Variants in GNA12 observed in about 807,000 individuals in gnomAD.
The protein encoded by GNA12 is guanine nucleotide-binding protein subunit alpha-12.
A neutral mutation model predicts 26.0 loss-of-function variants in GNA12; 9 were observed. The ratio of observed to expected loss-of-function variants is 0.35; its 90% CI spans 0.21 to 0.60. The LOEUF (loss-of-function observed/expected upper bound fraction) is 0.60. Among genes scored for constraint, GNA12 ranks in the 20% least tolerant of loss-of-function variants. The probability of loss-of-function intolerance (pLI) is 0.78; values close to 1 mark genes in which losing one functional copy is unlikely to be tolerated. For synonymous variants in GNA12, 264 were observed against 219.6 expected (o/e 1.20, Z -1.79); for missense variants, 405 against 525.8 (o/e 0.77, Z 2.25).
In GNA12 at chr7:2,828,168, C is replaced by G. The variant is rs150507288; in HGVS notation, c.309+15685G>C. On this transcript the variant is annotated intron_variant, in intron 1 of 3. Transcript: ENST00000275364. The stretch of plus-strand genomic sequence containing the variant: ...ATTACAAAAATTGTAAAGCAAGATT[C>G]AAACCAGAAATTAAAACACCTACAA... Among the ~76,000 whole-genome samples the G allele has an allele frequency of 3.5e-3, 536 of 152,288 alleles. 4 individuals carry two copies. Among genetic ancestry groups the G allele is most frequent in the African/African-American group, 0.012 (482 of 41,564 alleles).
At chr7:2,795,454 G>C (rs1792637276) in intron 1 of GNA12, among the ~76,000 whole-genome samples, 1 of 152,088 alleles carries the variant, frequency 6.6e-6, no homozygotes, top group African/African-American at 2.4e-5. Flanking sequence ...AACAGAGCAA[G>C]ACCCTGCTTC....
At chr7:2,798,331 A>C (rs546012737) in intron 1 of GNA12, among the ~76,000 whole-genome samples, 1 of 152,374 alleles carries the variant, frequency 6.6e-6, no homozygotes, top group South Asian at 2.1e-4. Flanking sequence ...ATGAATCCAG[A>C]ATAGTTGCAG....
At chr7:2,759,096 C>T (rs529872979) in intron 2 of GNA12, among the ~76,000 whole-genome samples, 131 of 151,454 alleles carry the variant, frequency 8.6e-4, no homozygotes, top group African/African-American at 3.0e-3. Context: ...GCCGAGATTA[C>T]ACCATTGCAC....
At chr7:2,750,919 C>T (rs1791004201) in intron 2 of GNA12, among the ~76,000 whole-genome samples, 1 of 152,172 alleles carries the variant, frequency 6.6e-6, no homozygotes, top group Middle Eastern at 3.2e-3. Context: ...CAGATGGGAA[C>T]AGAAGCGAGA....
intron 2 of GNA12, among the ~76,000 whole-genome samples, chr7:2,767,174 C>T (rs1447863374): frequency 1.3e-5 from 2 of 152,078 alleles, no homozygotes; most frequent in Non-Finnish European, 2.9e-5. Context: ...AATATTTTTC[C>T]CGTTTTATAG....
At chr7:2,776,566 G>A (rs1455148821) in intron 2 of GNA12, among the ~76,000 whole-genome samples, 4 of 152,240 alleles carry the variant, frequency 2.6e-5, no homozygotes, top group Admixed American at 6.5e-5. Context: ...TTCCTGTTTT[G>A]TGGATCAGGG....
intron 1 of GNA12, among the ~76,000 whole-genome samples, chr7:2,822,495 G>A (rs1253782218): frequency 6.6e-6 from 1 of 152,250 alleles, no homozygotes; most frequent in African/African-American, 2.4e-5. Context: ...TGTAATCCCA[G>A]CACTTTGGGA....
intron 1 of GNA12, among the ~76,000 whole-genome samples, chr7:2,835,298 A>T (rs1778806184): frequency 6.6e-6 from 1 of 152,196 alleles, no homozygotes; most frequent in Non-Finnish European, 1.5e-5. Context: ...CCAAATACAC[A>T]AACTTTAAGG....
chr7:2,789,840 CA>C (rs1381912130), intron 2 of GNA12, among the ~76,000 whole-genome samples: 1 of 152,056 alleles, frequency 6.6e-6, no homozygotes, highest in Non-Finnish European at 1.5e-5. Context: ...GAAGCCAGGC[CA>C]AAAAGGAACC....
chr7:2,766,774 T>A (rs757487243), intron 2 of GNA12, among the ~76,000 whole-genome samples: 1 of 152,232 alleles, frequency 6.6e-6, no homozygotes, highest in Non-Finnish European at 1.5e-5. Flanking sequence ...TTCTTCTGGA[T>A]AAATACCCCG....
Position 2,729,874 on chromosome 7 carries a change from T to C in GNA12, c.*1307A>G, listed in dbSNP as rs1789800186. On this transcript the variant is annotated 3_prime_UTR_variant, in exon 4 of 4. Transcript: ENST00000275364. ...AACACAGTGAAAGCCACCTGGCAGG[T>C]AGCTGGACAAGTGAGCTGGGCCCAG... is the stretch of plus-strand genomic sequence containing the variant. 6.6e-6 allele frequency: 1 copy of C among 152,358 alleles called. No homozygotes were observed. Among genetic ancestry groups the C allele is most frequent in the South Asian group, 2.1e-4 (1 of 4,828 alleles). 9.4% of individuals were successfully genotyped at this position (152,358 alleles called of 1,614,324 possible). A position where few individuals can be genotyped will look rare whatever the true frequency, so the allele number is the denominator to read the frequency against.
chr7:2,802,168 G>A (rs1792824210), intron 1 of GNA12, among the ~76,000 whole-genome samples: 1 of 151,960 alleles, frequency 6.6e-6, no homozygotes, highest in Non-Finnish European at 1.5e-5. Flanking sequence ...CCTTTTTTCA[G>A]TAATGGTATT....
chr7:2,842,076 G>T, intron 1 of GNA12, among the ~76,000 whole-genome samples: 1 of 91,884 alleles, frequency 1.1e-5, no homozygotes. Context: ...AGGAAGAAAA[G>T]GAAGGCGGGA....
At chr7:2,842,815 T>G (rs937537273) in intron 1 of GNA12, among the ~76,000 whole-genome samples, 1 of 152,204 alleles carries the variant, frequency 6.6e-6, no homozygotes, top group Non-Finnish European at 1.5e-5. Context: ...AGGCCTCATC[T>G]TTTAGCCACT....
At chr7:2,776,564 T>G (rs1792082157) in intron 2 of GNA12, among the ~76,000 whole-genome samples, 1 of 152,220 alleles carries the variant, frequency 6.6e-6, no homozygotes, top group Non-Finnish European at 1.5e-5. Flanking sequence ...TGTTCCTGTT[T>G]TGTGGATCAG....
intron 1 of GNA12, chr7:2,814,317 A>G: frequency 1.9e-6 from 3 of 1,543,772 alleles, no homozygotes; most frequent in Non-Finnish European, 2.7e-6. Context: ...CTCACCCTGG[A>G]CCCAGGGTGT....
At chr7:2,786,692 A>T (rs951248536) in intron 2 of GNA12, among the ~76,000 whole-genome samples, 1 of 152,176 alleles carries the variant, frequency 6.6e-6, no homozygotes, top group African/African-American at 2.4e-5. Context: ...CTAATTAAAC[A>T]CTAATCGAAT....
intron 2 of GNA12, among the ~76,000 whole-genome samples, chr7:2,779,442 C>A (rs994001033): frequency 2.6e-5 from 4 of 150,988 alleles, no homozygotes; most frequent in Non-Finnish European, 5.9e-5. Context: ...CCTGCGAGTT[C>A]GAGGCTACAG....
At chr7:2,812,974 C>T (rs533722665) in intron 1 of GNA12, among the ~76,000 whole-genome samples, 1 of 152,172 alleles carries the variant, frequency 6.6e-6, no homozygotes, top group African/African-American at 2.4e-5. Flanking sequence ...GACAGAGTCT[C>T]GCTCTGTCGC....
Sources: allele counts gnomAD v4.1 joint callset (sites outside exome capture counted in the v4.1 genomes callset), GRCh38; gene constraint gnomAD v4.1.1; transcripts MANE v1.5; gene names NCBI Gene and HGNC (gene_info 2026-07-23, HGNC 2026-07-21).